The following PTPRT variants were observed in gnomAD, a reference collection of about 807,000 sequenced individuals.
PTPRT encodes the protein receptor-type tyrosine-protein phosphatase T.
In PTPRT, 56 loss-of-function variants were observed where a neutral mutation model predicts 176.8. That is an observed-to-expected ratio of 0.32 (90% CI 0.26 to 0.40). PTPRT has a LOEUF of 0.40. Among genes scored for constraint, PTPRT ranks in the 10% least tolerant of loss-of-function variants. The pLI is 1.00. For synonymous variants in PTPRT, 783 were observed against 739.0 expected, an observed-to-expected ratio of 1.06 and a Z score of -0.96; for missense variants, 1,540 against 1,908.2, an observed-to-expected ratio of 0.81 and a Z score of 3.60.
chr20:42,205,561 C>G (rs2055434261), intron 15 of PTPRT, among the ~76,000 whole-genome samples: 1 of 152,122 alleles, frequency 6.6e-6, no homozygotes, highest in Non-Finnish European at 1.5e-5. Context: ...CTCTGCAAAA[C>G]CCTTGACTCT....
intron 9 of PTPRT, among the ~76,000 whole-genome samples, chr20:42,412,741 T>C (rs1389111856): frequency 6.6e-6 from 1 of 152,148 alleles, no homozygotes; most frequent in African/African-American, 2.4e-5. Flanking sequence ...ATACATGCAG[T>C]AGCGTGGCTA....
At chr20:42,448,521 T>C (rs1287201961) in intron 8 of PTPRT, among the ~76,000 whole-genome samples, 192 bp from the exon 9 acceptor site, 1 of 152,144 alleles carries the variant, frequency 6.6e-6, no homozygotes. Context: ...CTATAGATAA[T>C]CCATAAATGA....
chr20:42,335,694 G>A (rs1005565786), intron 11 of PTPRT, among the ~76,000 whole-genome samples: 1 of 152,082 alleles, frequency 6.6e-6, no homozygotes, highest in African/African-American at 2.4e-5. Context: ...AGAAGAAATT[G>A]GCAGAAAAGA....
At chr20:42,113,362 GA>G (rs1987106130) in intron 22 of PTPRT, among the ~76,000 whole-genome samples, 1 of 152,252 alleles carries the variant, frequency 6.6e-6, no homozygotes, top group African/African-American at 2.4e-5. Context: ...AGATGTGGCA[GA>G]TGAGACTGGT....
chr20:42,655,125 A>C (rs538353513), intron 7 of PTPRT, among the ~76,000 whole-genome samples: 1 of 152,112 alleles, frequency 6.6e-6, no homozygotes, highest in African/African-American at 2.4e-5. Context: ...AAGTAGCAAA[A>C]TTAAATCACA....
chr20:42,757,152 GAC>G (rs1305387518), intron 5 of PTPRT, among the ~76,000 whole-genome samples: 1 of 152,048 alleles, frequency 6.6e-6, no homozygotes, highest in Non-Finnish European at 1.5e-5. Context: ...CTGATTTGAG[GAC>G]ACAGGCCTGG....
intron 6 of PTPRT, among the ~76,000 whole-genome samples, chr20:42,720,449 A>G (rs1384514707): frequency 1.3e-5 from 2 of 152,186 alleles, no homozygotes; most frequent in Non-Finnish European, 2.9e-5. Flanking sequence ...AGAGGTGGGA[A>G]TTATGGAGGG....
At chr20:42,902,141 C>T (rs1261814409) in intron 1 of PTPRT, among the ~76,000 whole-genome samples, 5 of 152,150 alleles carry the variant, frequency 3.3e-5, no homozygotes, top group Non-Finnish European at 7.4e-5. Flanking sequence ...AAAGTTGCTA[C>T]CACTACAGGA....
chr20:42,206,520 C>A (rs569185578), intron 15 of PTPRT, among the ~76,000 whole-genome samples: 304 of 152,332 alleles, frequency 2.0e-3, no homozygotes, highest in African/African-American at 7.0e-3. Flanking sequence ...AAAGGGGTGA[C>A]GGACGGCACC....
At chr20:42,047,752 A>G in the PTPRT span, among the ~76,000 whole-genome samples, 2 of 151,896 alleles carry the variant, frequency 1.3e-5, no homozygotes, top group African/African-American at 4.8e-5. Flanking sequence ...TGTCAGTCAC[A>G]TTTTCTGGGA....
chr20:43,175,358 A>T (rs1177699047), intron 1 of PTPRT, among the ~76,000 whole-genome samples: 3 of 152,274 alleles, frequency 2.0e-5, no homozygotes, highest in African/African-American at 4.8e-5. Context: ...ACAAACTCGG[A>T]AATAAGGCCT....
chr20:42,445,864 T>TGCATGG (rs1202858434), intron 9 of PTPRT, among the ~76,000 whole-genome samples: 2 of 152,214 alleles, frequency 1.3e-5, no homozygotes, highest in Non-Finnish European at 2.9e-5. Context: ...CCCACCTTTG[T>TGCATGG]GCATGGGGCT....
chr20:42,617,029 G>C lies in PTPRT; in HGVS notation c.1153+60837C>G, dbSNP rs866375686. On this transcript the variant is annotated intron_variant, in intron 7 of 30. Transcript: ENST00000373187. The stretch of plus-strand genomic sequence containing the variant: ...CCTGTCTTGTGCCAGTTTTCCAAGG[G>C]AATGCTTCCAGTTTTTGCCCATTCA... Among the ~76,000 whole-genome samples the C allele has an allele frequency of 2.6e-3, 355 of 136,422 alleles. 44 individuals are homozygous for C. The highest frequency in any genetic ancestry group is 0.024 in the Middle Eastern group (7 of 288). 89.5% of individuals were successfully genotyped at this position (136,422 alleles called of 152,430 possible).
chr20:43,171,796 G>A (rs953455828), intron 1 of PTPRT, among the ~76,000 whole-genome samples: 1 of 152,132 alleles, frequency 6.6e-6, no homozygotes. Flanking sequence ...TGGTCCAGGG[G>A]CCACACTTTG....
At chr20:42,667,085 G>C (rs2075329669) in intron 7 of PTPRT, among the ~76,000 whole-genome samples, 1 of 151,750 alleles carries the variant, frequency 6.6e-6, no homozygotes, top group Non-Finnish European at 1.5e-5. Context: ...TTATTTTTTG[G>C]CCTACTAATA....
At chr20:42,875,369 A>G (rs1046589497) in intron 2 of PTPRT, among the ~76,000 whole-genome samples, 1 of 152,214 alleles carries the variant, frequency 6.6e-6, no homozygotes, top group Non-Finnish European at 1.5e-5. Context: ...TTTTCTATCA[A>G]TTCTGTGATC....
At chr20:42,111,018 C>CTT (rs761843769) in intron 22 of PTPRT, among the ~76,000 whole-genome samples, 21 of 152,130 alleles carry the variant, frequency 1.4e-4, no homozygotes, top group Non-Finnish European at 2.9e-4. Flanking sequence ...TAGATTCTTA[C>CTT]TTAGAATGAT....
At chr20:42,892,237 A>G (rs1260891019) in intron 1 of PTPRT, among the ~76,000 whole-genome samples, 3 of 152,218 alleles carry the variant, frequency 2.0e-5, no homozygotes, top group African/African-American at 7.2e-5. Context: ...CTTTACCTAC[A>G]GTATCTAACC....
chr20:42,043,986 G>T, the PTPRT span, among the ~76,000 whole-genome samples: 1 of 152,200 alleles, frequency 6.6e-6, no homozygotes, highest in African/African-American at 2.4e-5. Flanking sequence ...AAAATGATTT[G>T]TAATCTCACT....
Sources: allele counts gnomAD v4.1 joint callset (sites outside exome capture counted in the v4.1 genomes callset), GRCh38; gene constraint gnomAD v4.1.1; transcripts MANE v1.5; gene names NCBI Gene and HGNC (gene_info 2026-07-23, HGNC 2026-07-21).